Variants in TCF4 observed in about 807,000 individuals in gnomAD.
TCF4 encodes the protein SL3-3 enhancer factor 2.
In TCF4, 3 loss-of-function variants were observed where a neutral mutation model predicts 82.1. That is an observed-to-expected ratio of 0.04 (90% CI 0.02 to 0.09). The LOEUF is 0.09. Ranked by LOEUF, TCF4 falls within the 10% of genes least tolerant of loss-of-function variation. The pLI is 1.00. For synonymous variants in TCF4, 276 were observed against 309.6 expected, an observed-to-expected ratio of 0.89 and a Z score of 1.14; for missense variants, 518 against 852.7, an observed-to-expected ratio of 0.61 and a Z score of 4.89.
chr18:55,510,919 C>G (rs1034321598), intron 3 of TCF4: 1 of 372,368 alleles, frequency 2.7e-6, no homozygotes, highest in Non-Finnish European at 3.9e-6. Flanking sequence ...AGATCTCTGC[C>G]AAACAGAGGT....
chr18:55,466,842 A>G (rs955590568), intron 3 of TCF4, among the ~76,000 whole-genome samples: 12 of 152,214 alleles, frequency 7.9e-5, no homozygotes, highest in Non-Finnish European at 1.0e-4. Context: ...TCCACTAATT[A>G]AAAATGCTGG....
At chr18:55,388,190 T>G (rs2092759801) in intron 6 of TCF4, among the ~76,000 whole-genome samples, 1 of 152,220 alleles carries the variant, frequency 6.6e-6, no homozygotes, top group South Asian at 2.1e-4. Context: ...AGGAAAAGCT[T>G]GATCTACTCA....
At chr18:55,632,348 T>C (rs1368810819) in intron 1 of TCF4, among the ~76,000 whole-genome samples, 2 of 152,196 alleles carry the variant, frequency 1.3e-5, no homozygotes, top group Non-Finnish European at 2.9e-5. Context: ...AACAGTTCTT[T>C]AGGTTAATTT....
chr18:55,425,535 CAT>C (rs1603459348), intron 5 of TCF4, among the ~76,000 whole-genome samples: 1 of 148,664 alleles, frequency 6.7e-6, no homozygotes, highest in East Asian at 1.9e-4. Context: ...AAACAGAAAA[CAT>C]ATTAACATCT....
intron 5 of TCF4, among the ~76,000 whole-genome samples, chr18:55,446,480 C>A (rs777680385): frequency 6.6e-6 from 1 of 152,122 alleles, no homozygotes; most frequent in Non-Finnish European, 1.5e-5. Flanking sequence ...AAGGACAAGG[C>A]TTTAGAGTTC....
chr18:55,374,158 T>C (rs1229712890), intron 6 of TCF4, among the ~76,000 whole-genome samples: 1 of 151,944 alleles, frequency 6.6e-6, no homozygotes, highest in Non-Finnish European at 1.5e-5. Context: ...CAGCCAAAGC[T>C]GTAACCAATG....
At chr18:55,269,664 C>T in intron 11 of TCF4, 167 bp downstream of exon 11, 2 of 925,382 alleles carry the variant, frequency 2.2e-6, no homozygotes, top group Admixed American at 2.1e-5. Context: ...TGGTTATGCT[C>T]AAGCCAGTGA....
At chr18:55,442,980 G>A (rs1019397925) in intron 5 of TCF4, among the ~76,000 whole-genome samples, 1 of 152,172 alleles carries the variant, frequency 6.6e-6, no homozygotes, top group African/African-American at 2.4e-5. Flanking sequence ...ACTTCTTGTG[G>A]GTGTGACCAA....
intron 9 of TCF4, among the ~76,000 whole-genome samples, chr18:55,276,851 T>A (rs1003141470): frequency 6.6e-6 from 1 of 152,216 alleles, no homozygotes; most frequent in Non-Finnish European, 1.5e-5. Flanking sequence ...ACACTGTATT[T>A]CGTGAAGCTC....
At chr18:55,359,944 T>G (rs1365810020) in intron 6 of TCF4, among the ~76,000 whole-genome samples, 1 of 152,202 alleles carries the variant, frequency 6.6e-6, no homozygotes, top group Non-Finnish European at 1.5e-5. Flanking sequence ...ATGGTTAAAT[T>G]TCTATAGTAC....
At chr18:55,403,656 G>A (rs2093947695) in intron 5 of TCF4, 138 bp from the exon 6 acceptor site, 1 of 1,586,748 alleles carries the variant, frequency 6.3e-7, no homozygotes, top group Admixed American at 1.8e-5. Context: ...ATGCAAGCAA[G>A]AGAGGGAATA....
intron 15 of TCF4, among the ~76,000 whole-genome samples, chr18:55,244,229 G>A (rs529542837): frequency 1.2e-4 from 19 of 152,180 alleles, no homozygotes; most frequent in South Asian, 1.2e-3. Context: ...AGACTGCTTC[G>A]GTACGGGTCT....
intron 15 of TCF4, among the ~76,000 whole-genome samples, chr18:55,248,898 C>A: frequency 6.6e-6 from 1 of 152,192 alleles, no homozygotes; most frequent in East Asian, 1.9e-4. Context: ...GTGTGCACCA[C>A]CATGCCCGGC....
At chr18:55,334,300 G>A (rs1436472780) in intron 8 of TCF4, among the ~76,000 whole-genome samples, 3 of 151,902 alleles carry the variant, frequency 2.0e-5, no homozygotes, top group Non-Finnish European at 4.4e-5. Flanking sequence ...AAAATACCCC[G>A]AAATAACTTT....
chr18:55,420,312 AC>A (rs1458445711), intron 5 of TCF4, among the ~76,000 whole-genome samples: 1 of 152,222 alleles, frequency 6.6e-6, no homozygotes, highest in African/African-American at 2.4e-5. Context: ...AGAAATAAAA[AC>A]AAGAAGGTGG....
At chr18:55,620,033 G>A (rs1490259785) in intron 2 of TCF4, among the ~76,000 whole-genome samples, 1 of 152,108 alleles carries the variant, frequency 6.6e-6, no homozygotes, top group Non-Finnish European at 1.5e-5. Context: ...TCTCGTGACA[G>A]TGAGTGAGTT....
At chr18:55,505,699 G>A (rs2096749439) in intron 3 of TCF4, among the ~76,000 whole-genome samples, 1 of 150,912 alleles carries the variant, frequency 6.6e-6, no homozygotes, top group South Asian at 2.1e-4. Flanking sequence ...AGCTACTTGG[G>A]GGGCTGAGGC....
chr18:55,495,719 A>G (rs1197701357), intron 3 of TCF4: 1 of 152,198 alleles, frequency 6.6e-6, no homozygotes, highest in Non-Finnish European at 1.5e-5. Flanking sequence ...AGGACAACAA[A>G]TAAGATTGAT....
At chr18:55,520,739 T>A (rs1006703608) in intron 3 of TCF4, among the ~76,000 whole-genome samples, 1 of 152,180 alleles carries the variant, frequency 6.6e-6, no homozygotes, top group African/African-American at 2.4e-5. Context: ...ATGGGCAGGT[T>A]AAGGAGAAAA....
Sources: gnomAD v4.1 joint callset for allele counts (sites outside exome capture counted in the v4.1 genomes callset) on GRCh38, gnomAD v4.1.1 for gene constraint, MANE v1.5 for transcripts, NCBI Gene and HGNC (gene_info 2026-07-23, HGNC 2026-07-21) for gene names.